FLRT1: variants seen among roughly 807,000 people sequenced by gnomAD.
FLRT1 encodes the protein fibronectin leucine rich transmembrane protein 1, also known as leucine-rich repeat transmembrane protein FLRT1.
A neutral mutation model predicts 30.9 loss-of-function variants in FLRT1; 14 were observed. The ratio of observed to expected loss-of-function variants is 0.45; its 90% CI spans 0.30 to 0.71. The LOEUF (loss-of-function observed/expected upper bound fraction) is 0.71, where lower values mean the gene tolerates loss of function less well. Ranked by LOEUF, FLRT1 falls within the 30% of genes least tolerant of loss-of-function variation. The probability of loss-of-function intolerance (pLI) is 0.08; values close to 1 mark genes in which losing one functional copy is unlikely to be tolerated. For synonymous variants in FLRT1, 368 were observed against 430.4 expected (o/e 0.85, Z 1.80); for missense variants, 737 against 949.2 (o/e 0.78, Z 2.94).
intron 1 of FLRT1, among the ~76,000 whole-genome samples, chr11:64,073,967 G>A (rs1944155787): frequency 6.6e-6 from 1 of 152,138 alleles, no homozygotes; most frequent in Admixed American, 6.5e-5. Context: ...CCCCCAGGGT[G>A]CTTTGGAGGC....
At chr11:64,092,975 G>A (rs1388395330) in intron 1 of FLRT1, among the ~76,000 whole-genome samples, 1 of 152,218 alleles carries the variant, frequency 6.6e-6, no homozygotes, top group East Asian at 1.9e-4. Flanking sequence ...AGTTCGGCTT[G>A]CAGCCTCCAG....
In FLRT1 at chr11:64,036,038, T is replaced by C. The variant is rs1270840524; in HGVS notation, c.-1159T>C. 6.6e-6 allele frequency: 1 copy of C among 150,828 alleles called. No individual in the cohort carries two copies. Among genetic ancestry groups the C allele is most frequent in the Non-Finnish European group, 1.5e-5 (1 of 67,664 alleles). The allele number at this position is 150,828 out of a possible 1,614,324, so 9.3% of individuals were successfully genotyped here. A position where few individuals can be genotyped will look rare whatever the true frequency, so the allele number is the denominator to read the frequency against. ...CTCTGCCGCGCGCCGGGGGCTCCTCTCCCGGGCCCCCCTGGGCGCCCTCCG... is the reference window on the plus strand; with the variant it reads ...CTCTGCCGCGCGCCGGGGGCTCCTCCCCCGGGCCCCCCTGGGCGCCCTCCG... On this transcript the variant is annotated 5_prime_UTR_variant, in exon 1 of 3. Coordinates refer to ENST00000682287, the MANE Select transcript of FLRT1 (RefSeq NM_013280.5). The surrounding 1 kb of genome is among the most constrained non-coding windows in gnomAD (Gnocchi z 5.6).
chr11:64,075,910 G>C (rs995191522), intron 1 of FLRT1, among the ~76,000 whole-genome samples: 2 of 152,226 alleles, frequency 1.3e-5, no homozygotes, highest in East Asian at 3.9e-4. Flanking sequence ...CTGACCTCAA[G>C]TGATCCACCC....
chr11:64,041,837 T>C (rs10897472), intron 1 of FLRT1, among the ~76,000 whole-genome samples: 19,448 of 152,058 alleles, frequency 0.13, 2,079 homozygotes, highest in East Asian at 0.45. Flanking sequence ...CCTAGGGACA[T>C]GGCAAGTCGC....
intron 1 of FLRT1, among the ~76,000 whole-genome samples, chr11:64,084,903 C>T (rs1261917826): frequency 6.6e-6 from 1 of 152,242 alleles, no homozygotes; most frequent in African/African-American, 2.4e-5. Context: ...GCTCTGCAGT[C>T]CCCCTGCTCC....
At chr11:64,078,659 A>G (rs1033474055) in intron 1 of FLRT1, among the ~76,000 whole-genome samples, 1 of 152,118 alleles carries the variant, frequency 6.6e-6, no homozygotes, top group African/African-American at 2.4e-5. Context: ...TTGTCCTACA[A>G]ATATGTGCTC....
intron 1 of FLRT1, among the ~76,000 whole-genome samples, chr11:64,052,270 C>CT (rs1565210453): frequency 6.6e-6 from 1 of 152,044 alleles, no homozygotes; most frequent in African/African-American, 2.4e-5. Flanking sequence ...AAAAAAACAA[C>CT]TTTTTTTGCT....
intron 2 of FLRT1, among the ~76,000 whole-genome samples, chr11:64,109,207 A>G (rs1944817386): frequency 6.6e-6 from 1 of 152,088 alleles, no homozygotes; most frequent in African/African-American, 2.4e-5. Context: ...GTGAATAGAA[A>G]ATAGCATCCC....
chr11:64,068,717 G>A (rs974995003), intron 1 of FLRT1, among the ~76,000 whole-genome samples: 1 of 152,232 alleles, frequency 6.6e-6, no homozygotes, highest in Non-Finnish European at 1.5e-5. Flanking sequence ...GCTGAGGGCA[G>A]AGAAGCTGCA....
In FLRT1 at chr11:64,117,218, G is replaced by A. The variant is rs140370010; in HGVS notation, c.951G>A (p.Leu317=). The change falls in exon 3 of 3, where the codon CTG becomes CTA. Residue 317 remains leucine, a synonymous_variant. Transcript: ENST00000682287. The part of the protein sequence containing the change: ...TTLPRGLFDD[L]GNLAQLLLRN... ...TGCCCCGCGGCCTGTTCGACGACCT[G>A]GGGAACCTGGCCCAGCTGCTGCTCA... The A allele has an allele frequency of 1.4e-4, 221 of 1,614,038 alleles. 2 individuals carry two copies. The highest frequency in any genetic ancestry group is 1.7e-4 in the Non-Finnish European group (206 of 1,180,024).
At position 64,036,723 on chromosome 11, in the gene FLRT1, C is replaced by G. The variant is rs534873744; in HGVS notation, c.-1038+564C>G. ...TTCCCTCCCTGTGCGCGCTGTGGAC[C>G]GTCAGCCCTGAGCCGGGCGGGGGCT... is the stretch of plus-strand genomic sequence containing the variant. On this transcript the variant is annotated intron_variant, in intron 1 of 2. Transcript: ENST00000682287. This position sits in a 1 kb window ranked among gnomAD's most constrained non-coding sequence, Gnocchi z 5.6. 6.6e-6 allele frequency among the ~76,000 whole-genome samples: 1 copy of G among 151,730 alleles called. No individual in the cohort carries two copies. Among genetic ancestry groups the G allele is most frequent in the South Asian group, 2.1e-4 (1 of 4,786 alleles).
At chr11:64,058,159 G>A (rs1565213112) in intron 1 of FLRT1, among the ~76,000 whole-genome samples, 2 of 152,256 alleles carry the variant, frequency 1.3e-5, no homozygotes. Context: ...TGGGATAGAC[G>A]GTGGAATGCT....
At chr11:64,053,887 C>G (rs1435860449) in intron 1 of FLRT1, among the ~76,000 whole-genome samples, 2 of 152,140 alleles carry the variant, frequency 1.3e-5, no homozygotes, top group Non-Finnish European at 2.9e-5. Flanking sequence ...AGGCCGCATA[C>G]CCGGTTGCTT....
chr11:64,086,536 G>T (rs1169388484), intron 1 of FLRT1, among the ~76,000 whole-genome samples: 1 of 151,998 alleles, frequency 6.6e-6, no homozygotes, highest in Non-Finnish European at 1.5e-5. Flanking sequence ...AGGCTGAGTT[G>T]TCTCAGGACA....
intron 1 of FLRT1, among the ~76,000 whole-genome samples, chr11:64,092,909 C>T (rs1005170205): frequency 1.3e-5 from 2 of 152,232 alleles, no homozygotes; most frequent in Non-Finnish European, 2.9e-5. Context: ...GCATCTTTGC[C>T]GCAGGACTTC....
At chr11:64,058,248 G>A (rs564138590) in intron 1 of FLRT1, among the ~76,000 whole-genome samples, 1 of 152,372 alleles carries the variant, frequency 6.6e-6, no homozygotes, top group African/African-American at 2.4e-5. Context: ...ACCTGCTCCT[G>A]CCCCGAGGGT....
At chr11:64,084,462 G>A (rs1160140213) in intron 1 of FLRT1, among the ~76,000 whole-genome samples, 4 of 152,214 alleles carry the variant, frequency 2.6e-5, no homozygotes, top group Non-Finnish European at 2.9e-5. Context: ...GGAGGCAGCA[G>A]CAAAGAGGCA....
intron 1 of FLRT1, among the ~76,000 whole-genome samples, chr11:64,046,777 G>T (rs1296052058): frequency 6.6e-6 from 1 of 152,186 alleles, no homozygotes; most frequent in Non-Finnish European, 1.5e-5. Context: ...GGGATTACAG[G>T]CGTGAGCCGC....
In FLRT1 at chr11:64,067,537, C is replaced by G. The variant is rs1428520506; in HGVS notation, c.-1038+31378C>G. ...ACCTCCCCAACTCCCCAGCCCCTCCCCCTGGGGCTCAGGGACCCAAAGCAG... is the reference window on the plus strand; with the variant it reads ...ACCTCCCCAACTCCCCAGCCCCTCCGCCTGGGGCTCAGGGACCCAAAGCAG... On this transcript the variant is annotated intron_variant, in intron 1 of 2. Transcript: ENST00000682287. This position sits in a 1 kb window ranked among gnomAD's most constrained non-coding sequence, Gnocchi z 4.6. Among the ~76,000 whole-genome samples, 5 of 151,842 alleles carry G rather than the reference C, an allele frequency of 3.3e-5. No homozygotes were observed. The highest frequency in any genetic ancestry group is 1.2e-4 in the African/African-American group (5 of 41,352).
Sources: allele counts gnomAD v4.1 joint callset (sites outside exome capture counted in the v4.1 genomes callset), GRCh38; gene constraint gnomAD v4.1.1; non-coding constraint Gnocchi (gnomAD v3.1); transcripts MANE v1.5; gene names NCBI Gene and HGNC (gene_info 2026-07-23, HGNC 2026-07-21).